ERBB3: variants seen among roughly 807,000 people sequenced by gnomAD.
The protein encoded by ERBB3 is erb-b2 receptor tyrosine kinase 3, also known as receptor tyrosine-protein kinase erbB-3.
ERBB3 carries 96 observed loss-of-function variants against 156.7 expected under a neutral mutation model. That is an observed-to-expected ratio of 0.61 (90% CI 0.52 to 0.73). The LOEUF (loss-of-function observed/expected upper bound fraction) is 0.73. ERBB3 is among the 30% of genes least tolerant of loss of function. The pLI, the probability that ERBB3 is intolerant of heterozygous loss-of-function variation, is 0.00. For missense variants in ERBB3, 1,406 were observed against 1,709.4 expected (o/e 0.82, Z 3.13); for synonymous variants, 567 against 632.0 (o/e 0.90, Z 1.54).
At chr12:56,084,346 C>T (rs1196274812) in intron 2 of ERBB3, among the ~76,000 whole-genome samples, 7 of 152,196 alleles carry the variant, frequency 4.6e-5, no homozygotes, top group Non-Finnish European at 7.3e-5. Flanking sequence ...TGCAGTGGCT[C>T]ATGCCTGTAA....
rs1430266650 is a variant in ERBB3 at position 56,089,024 on chromosome 12, T to G, written c.1109+156T>G. On this transcript the variant is annotated intron_variant, in intron 9 of 27. Transcript: ENST00000267101. ...ACCTGAAAGAATGCTTAACACATCC[T>G]CCATCCAGGCCTTCGGTCCCCTCAG... 33 of 973,064 alleles carry G rather than the reference T, an allele frequency of 3.4e-5. No individual in the cohort carries two copies. In the East Asian group the frequency reaches 8.2e-4, roughly 24 times the overall value. 60.3% of individuals were successfully genotyped at this position (973,064 alleles called of 1,614,324 possible).
chr12:56,091,124 CAAG>C (rs1868667100), intron 9 of ERBB3, among the ~76,000 whole-genome samples: 1 of 149,678 alleles, frequency 6.7e-6, no homozygotes. Context: ...TTTTTTGAGA[CAAG>C]GTCTGGCTCT....
intron 11 of ERBB3, 46 bp from the exon 12 acceptor site, chr12:56,093,299 T>C (rs760283890): frequency 2.0e-6 from 3 of 1,525,594 alleles, no homozygotes; most frequent in South Asian, 2.2e-5. Flanking sequence ...GAATAGTTAA[T>C]GTTCCCTTAG....
chr12:56,094,157 C>T lies in ERBB3; in HGVS notation c.1672C>T (p.Pro558Ser), dbSNP rs1029381580. The T allele has an allele frequency of 1.6e-5, 26 of 1,613,990 alleles. No homozygotes were observed. Among genetic ancestry groups the T allele is most frequent in the East Asian group, 8.9e-5 (4 of 44,886 alleles). ...CTTCTCCTGCCACCCGGAATGCCAA[C>T]CCATGGAGGGCACTGCCACATGCAA... ...ECFSCHPECQ[P>S]MEGTATCNGS... The change falls in exon 14 of 28, where the codon CCC becomes TCC. Residue 558 changes from proline (P) to serine (S), a missense_variant. Pro to Ser is a moderately conservative substitution (Grantham distance 74). Around this residue, in one of 3 missense-constraint regions of ERBB3, gnomAD observed 979 missense variants for 1,219.6 expected, o/e 0.80. Transcript: ENST00000267101.
At chr12:56,091,168 C>A (rs1868668742) in intron 9 of ERBB3, among the ~76,000 whole-genome samples, 1 of 147,264 alleles carries the variant, frequency 6.8e-6, no homozygotes, top group Admixed American at 7.0e-5. Flanking sequence ...GTGGCATGAT[C>A]TCAGCTCACT....
At chr12:56,100,151 T>C (rs374869935) in intron 25 of ERBB3, 23 bp from the exon 26 acceptor site, 1 of 1,608,408 alleles carries the variant, frequency 6.2e-7, no homozygotes, top group African/African-American at 1.3e-5. Context: ...CATCTTAACC[T>C]TTTCCTTATT....
chr12:56,085,865 C>G (rs1334075322), intron 3 of ERBB3, among the ~76,000 whole-genome samples: 4 of 150,990 alleles, frequency 2.6e-5, no homozygotes, highest in Admixed American at 6.6e-5. Flanking sequence ...GTCAGGAGAT[C>G]GAGACCATCC....
rs760709621 is a variant in ERBB3 at position 56,088,931 on chromosome 12, T to C, written c.1109+63T>C. ...ACGCACCCCTCACAGTTCATTTCATTGGCCAAAACTTTCCTATGTGGAGCT... is the reference window on the plus strand; with the variant it reads ...ACGCACCCCTCACAGTTCATTTCATCGGCCAAAACTTTCCTATGTGGAGCT... On this transcript the variant is annotated intron_variant, in intron 9 of 27. Transcript: ENST00000267101. The C allele has an allele frequency of 6.9e-6, 11 of 1,605,526 alleles. No individual in the cohort carries two copies. The South Asian group carries it at 1.2e-4, about 18-fold the overall frequency.
chr12:56,080,356 G>A lies in ERBB3; in HGVS notation c.56G>A (p.Gly19Asp). 3 of 1,594,388 alleles carry A rather than the reference G, an allele frequency of 1.9e-6. No homozygotes were observed. Among genetic ancestry groups the A allele is most frequent in the Non-Finnish European group, 2.6e-6 (3 of 1,169,808 alleles). ...GGCTTGCTTTTCAGCCTGGCCCGGG[G>A]CTCCGAGGTGGGCAACTCTCAGGCA... Reference protein sequence around the residue: ...VLGLLFSLARGSEVGNSQAVC... With the variant: ...VLGLLFSLARDSEVGNSQAVC... The change falls in exon 1 of 28, where the codon GGC becomes GAC. Residue 19 changes from glycine to aspartate, a missense_variant. Coordinates refer to ENST00000267101, the MANE Select transcript of ERBB3 (RefSeq NM_001982.4).
chr12:56,086,130 C>A (rs1297393055), intron 3 of ERBB3, among the ~76,000 whole-genome samples: 1 of 150,832 alleles, frequency 6.6e-6, no homozygotes, highest in Non-Finnish European at 1.5e-5. Flanking sequence ...CCTAGGAATT[C>A]TACCTTTACT....
At chr12:56,100,099 A>AACTACTC (rs1869039084) in intron 25 of ERBB3, 70 bp downstream of exon 25, 4 of 1,590,202 alleles carry the variant, frequency 2.5e-6, no homozygotes, top group Admixed American at 1.7e-5. Flanking sequence ...TACCCAGATT[A>AACTACTC]ACTACTCAAA....
intron 15 of ERBB3, 63 bp downstream of exon 15, chr12:56,094,619 GA>G: frequency 6.4e-7 from 1 of 1,565,342 alleles, no homozygotes; most frequent in Non-Finnish European, 8.7e-7. Flanking sequence ...GAACTAGAGT[GA>G]GGGAAGCAGA....
In ERBB3 at chr12:56,101,544, G is replaced by A. The variant is rs138861245; in HGVS notation, c.3518G>A (p.Arg1173Gln). The change falls in exon 28 of 28, where the codon CGG becomes CAG. Residue 1173 changes from arginine (R) to glutamine (Q), a missense_variant. Arg to Gln is a conservative substitution (Grantham distance 43). Transcript: ENST00000267101. ...DTHLKGTPSS[R>Q]EGTLSSVGLS... ...CAACCCCCAGGTACTCCCTCCTCCCGGGAAGGCACCCTTTCTTCAGTGGGT... is the reference window on the plus strand; with the variant it reads ...CAACCCCCAGGTACTCCCTCCTCCCAGGAAGGCACCCTTTCTTCAGTGGGT... 70 of 1,613,884 alleles carry A rather than the reference G, an allele frequency of 4.3e-5. No individual in the cohort carries two copies. The East Asian group carries it at 4.7e-4, about 11-fold the overall frequency.
intron 9 of ERBB3, among the ~76,000 whole-genome samples, chr12:56,089,743 CAA>C (rs1308942910): frequency 4.4e-5 from 6 of 136,434 alleles, no homozygotes; most frequent in African/African-American, 1.3e-4. Flanking sequence ...GACTCTTTCT[CAA>C]AAAAAAAAAA....
Position 56,088,767 on chromosome 12 carries a change from T to TGA in ERBB3, c.1009_1010insAG (p.Gly337GlufsTer17). The TGA allele has an allele frequency of 6.2e-7, 1 of 1,614,156 alleles. No individual in the cohort carries two copies. The stretch of plus-strand genomic sequence containing the variant: ...TTGCAGCCTGTGAGGGAACAGGCTC[T>TGA]GGGAGCCGCTTCCAGACTGTGGACT... On this transcript the variant is annotated frameshift_variant, in exon 9 of 28. Coordinates refer to ENST00000267101, the MANE Select transcript of ERBB3 (RefSeq NM_001982.4). LOFTEE classifies it high-confidence loss of function.
At position 56,097,201 on chromosome 12, in the gene ERBB3, C is replaced by T. The variant is rs950538409; in HGVS notation, c.2431C>T (p.Leu811=). 1.2e-6 allele frequency: 2 copies of T among 1,614,138 alleles called. No homozygotes were observed. Among genetic ancestry groups the T allele is most frequent in the Non-Finnish European group, 1.7e-6 (2 of 1,180,012 alleles). ...CCGGGGGGCACTGGGGCCACAGCTG[C>T]TGCTCAACTGGGGAGTACAAATTGC... ...QHRGALGPQL[L]LNWGVQIAKG... is the part of the protein sequence containing the mutation. Residue 811 remains leucine (L), a synonymous_variant, in exon 20 of 28, where the codon CTG becomes TTG. Transcript: ENST00000267101.
intron 16 of ERBB3, 62 bp from the exon 17 acceptor site, chr12:56,095,603 A>G: frequency 6.3e-7 from 1 of 1,581,418 alleles, no homozygotes; most frequent in Non-Finnish European, 8.7e-7. Context: ...ACACAAGTAT[A>G]GTTGACATTT....
rs1268892962 is a variant in ERBB3 at position 56,102,409 on chromosome 12, T to TGC, written c.*355_*356dup. 6.7e-6 allele frequency: 2 copies of TGC among 296,962 alleles called. No individual in the cohort carries two copies. The highest frequency in any genetic ancestry group is 4.6e-5 in the Admixed American group (1 of 21,598). The allele number at this position is 296,962 out of a possible 1,614,324, so 18.4% of individuals were successfully genotyped here. On this transcript the variant is annotated 3_prime_UTR_variant, in exon 28 of 28. Transcript: ENST00000267101. ...CTACTTGGAACTAGGCTCTTATGTG[T>TGC]GCCTTTGTTTCCCATCAGACTGTCA...
At chr12:56,092,652 AATG>A in intron 9 of ERBB3, 92 bp from the exon 10 acceptor site, 1 of 856,104 alleles carries the variant, frequency 1.2e-6, no homozygotes. Flanking sequence ...TTTAGTGGAG[AATG>A]ATATTTAGAA....
Sources: allele counts gnomAD v4.1 joint callset (sites outside exome capture counted in the v4.1 genomes callset), GRCh38; gene constraint gnomAD v4.1.1; regional missense constraint gnomAD v4.1.1; transcripts MANE v1.5; gene names NCBI Gene and HGNC (gene_info 2026-07-23, HGNC 2026-07-21).